The following SKAP1 variants were observed in gnomAD, a reference collection of about 807,000 sequenced individuals.
The protein encoded by SKAP1 is src kinase associated phosphoprotein 1.
In SKAP1, 44 loss-of-function variants were observed where a neutral mutation model predicts 58.5. The observed-to-expected ratio is 0.75, with a 90% CI of 0.59 to 0.97. The LOEUF (loss-of-function observed/expected upper bound fraction) is 0.97. SKAP1 is among the 50% of genes least tolerant of loss of function. SKAP1 has a pLI of 0.00. For missense variants in SKAP1, 390 were observed against 435.2 expected (o/e 0.90, Z 0.92); for synonymous variants, 127 against 149.7 (o/e 0.85, Z 1.11).
intron 4 of SKAP1, among the ~76,000 whole-genome samples, chr17:48,241,840 C>T (rs936955646): frequency 1.2e-4 from 18 of 152,100 alleles, no homozygotes; most frequent in Admixed American, 1.0e-3. Flanking sequence ...GGAGTTTTTT[C>T]CATTTTTAGT....
chr17:48,415,787 C>T (rs1339654080), intron 1 of SKAP1, among the ~76,000 whole-genome samples: 4 of 152,132 alleles, frequency 2.6e-5, no homozygotes, highest in East Asian at 1.9e-4. Flanking sequence ...GCTCCTCACT[C>T]CTGCCCAGCC....
chr17:48,242,269 C>T (rs1051212962), intron 4 of SKAP1, among the ~76,000 whole-genome samples: 16 of 152,118 alleles, frequency 1.1e-4, no homozygotes, highest in African/African-American at 2.9e-4. Flanking sequence ...GAATGAACGT[C>T]GTTGATCAGT....
At position 48,165,422 on chromosome 17, in the gene SKAP1, C is replaced by T. The variant is rs1382283208; in HGVS notation, c.878-2853G>A. Among the ~76,000 whole-genome samples, 6 of 138,312 alleles carry T rather than the reference C, an allele frequency of 4.3e-5. No homozygotes were observed. The East Asian group carries it at 1.0e-3, about 24-fold the overall frequency. 90.7% of individuals were successfully genotyped at this position (138,312 alleles called of 152,430 possible). On this transcript the variant is annotated intron_variant, in intron 10 of 12. Transcript: ENST00000336915. ...TTCTTTCTTTTTTTTTTTTTTGAGGCGAAGTTTTGCTCCTTTTGCCCAGGG... is the reference window on the plus strand; with the variant it reads ...TTCTTTCTTTTTTTTTTTTTTGAGGTGAAGTTTTGCTCCTTTTGCCCAGGG...
chr17:48,158,990 A>C (rs993634443), intron 11 of SKAP1, among the ~76,000 whole-genome samples: 20 of 149,454 alleles, frequency 1.3e-4, no homozygotes, highest in African/African-American at 4.9e-4. Flanking sequence ...AAGAAACAGC[A>C]GGGAGCAGCA....
intron 4 of SKAP1, among the ~76,000 whole-genome samples, chr17:48,226,635 C>G (rs1394159185): frequency 6.6e-6 from 1 of 152,172 alleles, no homozygotes; most frequent in African/African-American, 2.4e-5. Context: ...GCTCAGTCCT[C>G]CAGTCTTCAC....
chr17:48,287,939 G>GT (rs2065852499), intron 4 of SKAP1, among the ~76,000 whole-genome samples: 1 of 152,104 alleles, frequency 6.6e-6, no homozygotes, highest in South Asian at 2.1e-4. Context: ...ATAAAAACAC[G>GT]TAACAGAATT....
At chr17:48,177,277 G>A (rs886599114) in intron 9 of SKAP1, among the ~76,000 whole-genome samples, 4 of 152,126 alleles carry the variant, frequency 2.6e-5, no homozygotes, top group Non-Finnish European at 4.4e-5. Context: ...TCTTCAAGGA[G>A]GTAACACTTC....
chr17:48,323,732 G>T (rs1057506391), intron 4 of SKAP1, among the ~76,000 whole-genome samples: 1 of 151,968 alleles, frequency 6.6e-6, no homozygotes, highest in African/African-American at 2.4e-5. Flanking sequence ...AGAACATAAC[G>T]AAGAGGGAGA....
At position 48,271,362 on chromosome 17, in the gene SKAP1, CTTTTTT is replaced by C. The variant is rs35447830; in HGVS notation, c.280+74537_280+74542del. 7.5e-5 allele frequency among the ~76,000 whole-genome samples: 8 copies of C among 106,292 alleles called. No homozygotes were observed. In the East Asian group the frequency reaches 1.3e-3, roughly 17 times the overall value. 69.7% of individuals were successfully genotyped at this position (106,292 alleles called of 152,430 possible). A position where few individuals can be genotyped will look rare whatever the true frequency, so the allele number is the denominator to read the frequency against. On this transcript the variant is annotated intron_variant, in intron 4 of 12. Coordinates refer to ENST00000336915, the MANE Select transcript of SKAP1 (RefSeq NM_003726.4). Reference sequence around the variant, plus strand: ...TATTAATATTCTTGTTTCTTTGTTTCTTTTTTTTTTTTTTTTTTTTTTGAGACAGGG... The same window carrying C: ...TATTAATATTCTTGTTTCTTTGTTTCTTTTTTTTTTTTTTTTGAGACAGGG...
At chr17:48,170,823 G>T (rs1473373574) in intron 9 of SKAP1, among the ~76,000 whole-genome samples, 164 bp from the exon 10 acceptor site, 2 of 151,760 alleles carry the variant, frequency 1.3e-5, no homozygotes, top group Non-Finnish European at 2.9e-5. Context: ...GGATTCTCCT[G>T]CCTCAGCCCC....
At chr17:48,193,977 G>A (rs1000839884) in intron 4 of SKAP1, among the ~76,000 whole-genome samples, 1 of 151,806 alleles carries the variant, frequency 6.6e-6, no homozygotes, top group East Asian at 1.9e-4. Flanking sequence ...TATCACCACC[G>A]TCATGAAAAA....
chr17:48,314,755 TA>T (rs923324523), intron 4 of SKAP1, among the ~76,000 whole-genome samples: 2 of 151,926 alleles, frequency 1.3e-5, no homozygotes, highest in African/African-American at 2.4e-5. Flanking sequence ...AAAATTATTT[TA>T]AAAAAAATCC....
At chr17:48,171,061 C>T (rs2064205201) in intron 9 of SKAP1, among the ~76,000 whole-genome samples, 1 of 144,714 alleles carries the variant, frequency 6.9e-6, no homozygotes, top group Non-Finnish European at 1.5e-5. Flanking sequence ...GCTCATCATA[C>T]TCTCTTCTTT....
At position 48,186,986 on chromosome 17, in the gene SKAP1, C is replaced by T. The variant is rs1041652999; in HGVS notation, c.442+857G>A. Among the ~76,000 whole-genome samples, 7 of 152,318 alleles carry T rather than the reference C, an allele frequency of 4.6e-5. No individual in the cohort carries two copies. The East Asian group carries it at 1.3e-3, about 29-fold the overall frequency. On this transcript the variant is annotated intron_variant, in intron 6 of 12. Transcript: ENST00000336915. ...ACGAAGGTGCACAGTACAAGGAAAG[C>T]CCCAAGAAGAATTGATGCTTTTTAA...
intron 10 of SKAP1, among the ~76,000 whole-genome samples, chr17:48,166,596 T>G (rs1031160261): frequency 5.3e-5 from 8 of 152,192 alleles, no homozygotes; most frequent in African/African-American, 1.9e-4. Context: ...GAAAAGTGGC[T>G]AAAGGCAGGC....
chr17:48,178,730 A>C (rs1275333851), intron 9 of SKAP1, among the ~76,000 whole-genome samples: 6 of 152,148 alleles, frequency 3.9e-5, no homozygotes, highest in African/African-American at 1.4e-4. Context: ...TTTTTGTAAA[A>C]CTTCATTAAC....
At chr17:48,239,963 T>C (rs1184528113) in intron 4 of SKAP1, among the ~76,000 whole-genome samples, 2 of 151,976 alleles carry the variant, frequency 1.3e-5, no homozygotes, top group Admixed American at 6.6e-5. Context: ...CATAACTCTA[T>C]AGGTACAAAA....
At chr17:48,404,771 C>T (rs1228940272) in intron 1 of SKAP1, among the ~76,000 whole-genome samples, 1 of 151,904 alleles carries the variant, frequency 6.6e-6, no homozygotes, top group African/African-American at 2.4e-5. Flanking sequence ...AAAAGTTAGA[C>T]TTCTGTATTA....
intron 4 of SKAP1, among the ~76,000 whole-genome samples, chr17:48,297,358 T>G (rs1175718580): frequency 6.6e-6 from 1 of 152,148 alleles, no homozygotes; most frequent in Non-Finnish European, 1.5e-5. Context: ...TTTACTAACA[T>G]TGAGATTTAT....
Sources: gnomAD v4.1 joint callset for allele counts (sites outside exome capture counted in the v4.1 genomes callset) on GRCh38, gnomAD v4.1.1 for gene constraint, MANE v1.5 for transcripts, NCBI Gene and HGNC (gene_info 2026-07-23, HGNC 2026-07-21) for gene names.